Variants in PROCA1 observed in about 807,000 individuals in gnomAD.
PROCA1 encodes protein PROCA1.
In PROCA1, 22 loss-of-function variants were observed where a neutral mutation model predicts 23.2. That is an observed-to-expected ratio of 0.95 (90% CI 0.68 to 1.35). PROCA1 has a LOEUF of 1.35. Among genes scored for constraint, PROCA1 ranks in the 40% most tolerant of loss-of-function variants. PROCA1 has a pLI of 0.00. For synonymous variants in PROCA1, 182 were observed against 179.2 expected (o/e 1.02, Z -0.12); for missense variants, 469 against 459.8 (o/e 1.02, Z -0.18).
At chr17:28,708,409 T>A (rs1188983876) in intron 1 of PROCA1, among the ~76,000 whole-genome samples, 3 of 152,226 alleles carry the variant, frequency 2.0e-5, no homozygotes, top group Non-Finnish European at 2.9e-5. Context: ...AGCTCTTTAG[T>A]TCTTCCCTGT....
In PROCA1 at chr17:28,704,330, A is replaced by G; in HGVS notation, c.417T>C (p.His139=). 3 of 1,613,924 alleles carry G rather than the reference A, an allele frequency of 1.9e-6. No individual in the cohort carries two copies. The highest frequency in any genetic ancestry group is 1.3e-5 in the African/African-American group (1 of 75,042). Reference sequence around the variant, plus strand: ...ACCAGCCATACCGGAATCGCTCCACATGCTCCTCCTCCGGTGTGAGCTCAA... The same window carrying G: ...ACCAGCCATACCGGAATCGCTCCACGTGCTCCTCCTCCGGTGTGAGCTCAA... ...PCFELTPEEE[H]VERFRYGWCK... is the part of the protein sequence containing the mutation. Residue 139 remains histidine, a synonymous_variant, in exon 4 of 5, where the codon CAT becomes CAC. Transcript: ENST00000682792.
chr17:28,703,517 A>G lies in PROCA1; in HGVS notation c.*41T>C. The G allele has an allele frequency of 1.9e-6, 3 of 1,570,750 alleles. No individual in the cohort carries two copies. Among genetic ancestry groups the G allele is most frequent in the South Asian group, 1.2e-5 (1 of 84,112 alleles). Reference sequence around the variant, plus strand: ...AGAACAGCAGCAGAGGGCCAGCCACAGGCTCGATGGCATTTATTCTGCACC... The same window carrying G: ...AGAACAGCAGCAGAGGGCCAGCCACGGGCTCGATGGCATTTATTCTGCACC... On this transcript the variant is annotated 3_prime_UTR_variant, in exon 5 of 5. Coordinates refer to ENST00000682792, the MANE Select transcript of PROCA1 (RefSeq NM_001366301.1).
intron 2 of PROCA1, 175 bp from the exon 3 acceptor site, chr17:28,705,018 T>TTA: frequency 1.6e-6 from 1 of 613,750 alleles, no homozygotes; most frequent in Middle Eastern, 4.5e-4. Flanking sequence ...CCCAGCAAAG[T>TTA]GTCTGGTTCC....
intron 1 of PROCA1, among the ~76,000 whole-genome samples, chr17:28,707,672 CT>C (rs964059833): frequency 4.5e-4 from 69 of 152,284 alleles, no homozygotes; most frequent in African/African-American, 1.6e-3. Flanking sequence ...TTACTGGCTT[CT>C]TTTTTCCCCC....
chr17:28,704,800 C>T lies in PROCA1; in HGVS notation c.219G>A (p.Gln73=), dbSNP rs748961328. The T allele has an allele frequency of 2.5e-6, 4 of 1,613,620 alleles. No individual in the cohort carries two copies. Among genetic ancestry groups the T allele is most frequent in the Admixed American group, 1.7e-5 (1 of 60,010 alleles). ...AAGGGTAGATGATGTGCCCAGTGCA[C>T]TGCTTGTGTCTCCAGCAGCACTTGT... ...EPDKCCWRHK[Q]CTGHIIYPFA... Residue 73 remains glutamine, a synonymous_variant, in exon 3 of 5, where the codon CAG becomes CAA. Transcript: ENST00000682792.
intron 2 of PROCA1, chr17:28,705,765 C>T (rs1005909261): frequency 2.0e-5 from 3 of 152,336 alleles, no homozygotes; most frequent in African/African-American, 7.2e-5. Context: ...AAGGTAAGCC[C>T]ATGAGGCGAC....
chr17:28,710,721 C>G, intron 1 of PROCA1: 3 of 1,230,276 alleles, frequency 2.4e-6, no homozygotes, highest in Non-Finnish European at 2.1e-6. Context: ...AGACCTCTGA[C>G]CAGCAGCAGT....
At chr17:28,711,473 C>G (rs908339593) in intron 1 of PROCA1, 97 bp downstream of exon 1, 57 of 1,016,570 alleles carry the variant, frequency 5.6e-5, no homozygotes, top group Non-Finnish European at 7.5e-5. Context: ...TTGGTTTGCC[C>G]GTCTCCCTCG....
At position 28,704,114 on chromosome 17, in the gene PROCA1, T is replaced by C; in HGVS notation, c.539A>G (p.Glu180Gly). Residue 180 changes from glutamate (E) to glycine (G), a missense_variant, in exon 5 of 5, where the codon GAG becomes GGG. By Grantham distance (98) the Glu-to-Gly change is moderately conservative. Coordinates refer to ENST00000682792, the MANE Select transcript of PROCA1 (RefSeq NM_001366301.1). ...DDLNEEEEEE[E>G]EESKPPIPTQ... Reference sequence around the variant, plus strand: ...CGGGATGGGGGGCTTGCTTTCCTCCTCCTCCTCTTCCTCTTCTTCATTTAG... The same window carrying C: ...CGGGATGGGGGGCTTGCTTTCCTCCCCCTCCTCTTCCTCTTCTTCATTTAG... 1 of 1,572,324 alleles carries C rather than the reference T, an allele frequency of 6.4e-7. No individual in the cohort carries two copies. The highest frequency in any genetic ancestry group is 8.6e-7 in the Non-Finnish European group (1 of 1,164,826).
chr17:28,710,563 C>T (rs1469850893), intron 1 of PROCA1, among the ~76,000 whole-genome samples: 3 of 151,246 alleles, frequency 2.0e-5, no homozygotes, highest in Non-Finnish European at 1.5e-5. Context: ...GTTTACTCTC[C>T]ACTCACTAGC....
At chr17:28,711,266 G>T in intron 1 of PROCA1, 1 of 687,876 alleles carries the variant, frequency 1.5e-6, no homozygotes, top group Non-Finnish European at 2.1e-6. Flanking sequence ...TGCGCCCGGT[G>T]CCACCCAGTC....
chr17:28,711,454 CCTCTCTCGTTGGTTTGCCCGT>C (rs1395874896), intron 1 of PROCA1, 95 bp downstream of exon 1: 2 of 860,364 alleles, frequency 2.3e-6, no homozygotes, highest in Non-Finnish European at 3.5e-6. Flanking sequence ...CTGGGCCCCG[CCTCTCTCGTTGGTTTGCCCGT>C]CTCCCTCGTC....
intron 3 of PROCA1, 121 bp downstream of exon 3, chr17:28,704,587 T>C: frequency 1.3e-6 from 2 of 1,561,498 alleles, no homozygotes; most frequent in South Asian, 2.5e-5. Flanking sequence ...TGTGCAGAGC[T>C]GGGACTGGGC....
chr17:28,710,506 CAAAA>C (rs71278535), intron 1 of PROCA1, among the ~76,000 whole-genome samples: 9 of 30,760 alleles, frequency 2.9e-4, no homozygotes, highest in Admixed American at 5.8e-4. Context: ...GATTCCATCT[CAAAA>C]AAAAAAAAAA....
intron 1 of PROCA1, 64 bp downstream of exon 1, chr17:28,711,506 G>A (rs1393679641): frequency 1.4e-6 from 2 of 1,381,876 alleles, no homozygotes; most frequent in Admixed American, 2.2e-5. Flanking sequence ...CTTCCCGCGT[G>A]CGCCGCTCGG....
In PROCA1 at chr17:28,703,889, A is replaced by G; in HGVS notation, c.764T>C (p.Leu255Pro). 2 of 1,613,664 alleles carry G rather than the reference A, an allele frequency of 1.2e-6. No homozygotes were observed. Among genetic ancestry groups the G allele is most frequent in the Non-Finnish European group, 1.7e-6 (2 of 1,179,922 alleles). ...DKEEMDEKAK[L>P]KKKAKKGQLT... Reference sequence around the variant, plus strand: ...CTGGCCTTTCTTGGCTTTTTTCTTCAGCTTTGCCTTCTCATCCATCTCCTC... The same window carrying G: ...CTGGCCTTTCTTGGCTTTTTTCTTCGGCTTTGCCTTCTCATCCATCTCCTC... Residue 255 changes from leucine to proline, a missense_variant, in exon 5 of 5, where the codon CTG (leucine) becomes CCG (proline). Coordinates refer to ENST00000682792, the MANE Select transcript of PROCA1 (RefSeq NM_001366301.1).
intron 1 of PROCA1, chr17:28,710,882 A>AT: frequency 7.7e-7 from 1 of 1,302,102 alleles, no homozygotes; most frequent in Non-Finnish European, 1.0e-6. Flanking sequence ...AGTTATGCTC[A>AT]TCTGTACAGA....
rs766579055 is a variant in PROCA1, at chr17:28,704,691, A to G, written c.311+17T>C. On this transcript the variant is annotated intron_variant, in intron 3 of 4. Coordinates refer to ENST00000682792, the MANE Select transcript of PROCA1 (RefSeq NM_001366301.1). ...ACCTGGCTCTGCCATGGGTCCCCCA[A>G]GGGGGCGGGCCCTCACCTAGAATTA... 6 of 1,613,286 alleles carry G rather than the reference A, an allele frequency of 3.7e-6. No homozygotes were observed. The highest frequency in any genetic ancestry group is 5.1e-6 in the Non-Finnish European group (6 of 1,179,610).
intron 1 of PROCA1, 152 bp downstream of exon 1, chr17:28,711,403 CCCTAGCTCCGCCCCG>C (rs2032775763): frequency 6.0e-6 from 3 of 501,518 alleles, no homozygotes; most frequent in Non-Finnish European, 9.3e-6. Flanking sequence ...CCGCCCCCGG[CCCTAGCTCCGCCCCG>C]GCCCTAGCTC....
Sources: gnomAD v4.1 joint callset for allele counts (sites outside exome capture counted in the v4.1 genomes callset) on GRCh38, gnomAD v4.1.1 for gene constraint, MANE v1.5 for transcripts, NCBI Gene and HGNC (gene_info 2026-07-23, HGNC 2026-07-21) for gene names.